The following STAM variants were observed in gnomAD, a reference collection of about 807,000 sequenced individuals.
STAM encodes signal transducing adaptor molecule, also known as signal transducing adapter molecule 1.
STAM carries 16 observed loss-of-function variants against 63.4 expected under a neutral mutation model. That is an observed-to-expected ratio of 0.25 (90% CI 0.17 to 0.38). The LOEUF (loss-of-function observed/expected upper bound fraction) is 0.38. Ranked by LOEUF, STAM falls within the 10% of genes least tolerant of loss-of-function variation. The pLI is 1.00. For synonymous variants in STAM, 238 were observed against 223.9 expected (o/e 1.06, Z -0.56); for missense variants, 636 against 657.1 (o/e 0.97, Z 0.35).
intron 13 of STAM, among the ~76,000 whole-genome samples, chr10:17,709,358 T>A (rs969316010): frequency 1.1e-4 from 17 of 148,110 alleles, no homozygotes; most frequent in Non-Finnish European, 1.5e-5. Context: ...AGCTGTCTCT[T>A]TAAGACAAAT....
intron 1 of STAM, among the ~76,000 whole-genome samples, chr10:17,655,162 ATCTAAG>A (rs1443847846): frequency 6.6e-6 from 1 of 152,118 alleles, no homozygotes; most frequent in East Asian, 1.9e-4. Flanking sequence ...TCAATCTTAA[ATCTAAG>A]TCTATCTGCT....
At chr10:17,681,882 G>T (rs910970157) in intron 2 of STAM, among the ~76,000 whole-genome samples, 7 of 152,156 alleles carry the variant, frequency 4.6e-5, no homozygotes, top group Admixed American at 2.6e-4. Flanking sequence ...ATTTTTGAGA[G>T]CCTAAGCACA....
At position 17,684,695 on chromosome 10, in the gene STAM, C is replaced by A; in HGVS notation, c.146C>A (p.Ser49Tyr). ...TTTAGACCTAAGGATTGTCTTCGGT[C>A]TATTATGAGAAGAGTGAACCACAAA... ...SRTGPKDCLR[S>Y]IMRRVNHKDP... The change falls in exon 3 of 14, where the codon TCT (serine) becomes TAT (tyrosine). Residue 49 changes from serine (S) to tyrosine (Y), a missense_variant. Physicochemically the swap from Ser to Tyr is moderately radical, Grantham distance 144. Coordinates refer to ENST00000377524, the MANE Select transcript of STAM (RefSeq NM_003473.4). 1 of 1,613,164 alleles carries A rather than the reference C, an allele frequency of 6.2e-7. No homozygotes were observed. Among genetic ancestry groups the A allele is most frequent in the Non-Finnish European group, 8.5e-7 (1 of 1,179,740 alleles).
intron 1 of STAM, 86 bp downstream of exon 1, chr10:17,644,465 G>A: frequency 6.5e-7 from 1 of 1,543,434 alleles, no homozygotes; most frequent in Non-Finnish European, 8.9e-7. Flanking sequence ...GGACCCTCGG[G>A]CCAGGGCCAA....
At position 17,714,899 on chromosome 10, in the gene STAM, G is replaced by A. The variant is rs2131713066; in HGVS notation, c.*119G>A. ...TTATAGGAATCTCTCCAGGTCAACA[G>A]GTTCAAATATTCAAGAAGGTAGAAC... On this transcript the variant is annotated 3_prime_UTR_variant, in exon 14 of 14. Coordinates refer to ENST00000377524, the MANE Select transcript of STAM (RefSeq NM_003473.4). The A allele has an allele frequency of 5.1e-6, 5 of 984,438 alleles. No homozygotes were observed. Among genetic ancestry groups the A allele is most frequent in the East Asian group, 2.4e-5 (1 of 41,396 alleles). The allele number at this position is 984,438 out of a possible 1,614,324, so 61.0% of individuals were successfully genotyped here. A position where few individuals can be genotyped will look rare whatever the true frequency, so the allele number is the denominator to read the frequency against.
chr10:17,709,918 G>C (rs936531205), intron 13 of STAM, among the ~76,000 whole-genome samples: 8 of 149,964 alleles, frequency 5.3e-5, no homozygotes, highest in African/African-American at 1.7e-4. Flanking sequence ...TTCCCTAGTG[G>C]GTTCTGTATC....
Position 17,656,427 on chromosome 10 carries a change from G to A in STAM, c.41-4037G>A, listed in dbSNP as rs144248717. ...CTCATTGACTTTTAACTTCACTGTA[G>A]GTTGGTCTGGTGGGCCATTGACTAT... is the stretch of plus-strand genomic sequence containing the variant. On this transcript the variant is annotated intron_variant, in intron 1 of 13. Transcript: ENST00000377524. Among the ~76,000 whole-genome samples the A allele has an allele frequency of 1.2e-3, 186 of 152,170 alleles. 1 individual carries two copies. The highest frequency in any genetic ancestry group is 4.3e-3 in the African/African-American group (180 of 41,518).
In STAM at chr10:17,648,670, C is replaced by G. The variant is rs185620174; in HGVS notation, c.40+4291C>G. Among the ~76,000 whole-genome samples the G allele has an allele frequency of 2.0e-3, 301 of 152,326 alleles. 1 individual carries two copies. The highest frequency in any genetic ancestry group is 6.8e-3 in the African/African-American group (284 of 41,570). On this transcript the variant is annotated intron_variant, in intron 1 of 13. Coordinates refer to ENST00000377524, the MANE Select transcript of STAM (RefSeq NM_003473.4). ...CTCACCATTCTTACCTTACTTCAGT[C>G]ATTGTTATCTCTTATAGTCAGTGGC... is the stretch of plus-strand genomic sequence containing the variant.
chr10:17,662,889 C>T (rs2357293), intron 2 of STAM, among the ~76,000 whole-genome samples: 2,587 of 152,302 alleles, frequency 0.017, 70 homozygotes, highest in African/African-American at 0.059. Flanking sequence ...GAAGACTGGG[C>T]ACCAAGCTAG....
At chr10:17,660,244 TAAGTA>T (rs1385358836) in intron 1 of STAM, among the ~76,000 whole-genome samples, 6 of 152,316 alleles carry the variant, frequency 3.9e-5, no homozygotes, top group South Asian at 2.1e-4. Context: ...TATTTTATAC[TAAGTA>T]AAGAGGCAAC....
Position 17,684,663 on chromosome 10 carries a change from T to A in STAM, c.126-12T>A, listed in dbSNP as rs1835221560. 1 of 1,608,686 alleles carries A rather than the reference T, an allele frequency of 6.2e-7. No homozygotes were observed. The highest frequency in any genetic ancestry group is 8.5e-7 in the Non-Finnish European group (1 of 1,178,318). ...TATTATTAAGTAATTTTTACTTTTC[T>A]CATTTTTTTAGACCTAAGGATTGTC... is the stretch of plus-strand genomic sequence containing the variant. On this transcript the variant is annotated splice_polypyrimidine_tract_variant and intron_variant, in intron 2 of 13. Coordinates refer to ENST00000377524, the MANE Select transcript of STAM (RefSeq NM_003473.4).
intron 5 of STAM, among the ~76,000 whole-genome samples, chr10:17,691,429 A>T (rs1835529220): frequency 6.6e-6 from 1 of 152,134 alleles, no homozygotes; most frequent in Admixed American, 6.5e-5. Flanking sequence ...GAGGCAGGAG[A>T]ATGGTGTGAA....
intron 8 of STAM, among the ~76,000 whole-genome samples, chr10:17,699,691 A>G (rs11595520): frequency 0.054 from 8,276 of 152,312 alleles, 245 homozygotes; most frequent in Middle Eastern, 0.18. Context: ...CTAAACGCCT[A>G]CGTGGCACGC....
chr10:17,702,105 A>G (rs1554828554), intron 9 of STAM, among the ~76,000 whole-genome samples: 2 of 152,192 alleles, frequency 1.3e-5, no homozygotes, highest in Non-Finnish European at 2.9e-5. Flanking sequence ...TAAAAACAAA[A>G]AATAGGAATA....
intron 8 of STAM, among the ~76,000 whole-genome samples, chr10:17,698,989 A>G (rs77062577): frequency 0.032 from 4,828 of 152,262 alleles, 93 homozygotes; most frequent in Middle Eastern, 0.14. Context: ...TGGAATGATT[A>G]TATTTCTTAG....
chr10:17,652,983 A>G (rs1311228406), intron 1 of STAM, among the ~76,000 whole-genome samples: 1 of 152,142 alleles, frequency 6.6e-6, no homozygotes, highest in Non-Finnish European at 1.5e-5. Context: ...AAATCCTTGG[A>G]ATTTTCTGAG....
At chr10:17,662,400 C>T (rs1322416196) in intron 2 of STAM, among the ~76,000 whole-genome samples, 2 of 152,138 alleles carry the variant, frequency 1.3e-5, no homozygotes, top group African/African-American at 4.8e-5. Flanking sequence ...TCCACAAAGC[C>T]TTTCCTTATC....
chr10:17,706,369 C>CT (rs59585445), intron 12 of STAM, among the ~76,000 whole-genome samples: 3,593 of 70,142 alleles, frequency 0.051, 810 homozygotes, highest in East Asian at 0.15. Flanking sequence ...GGTTGAGGCC[C>CT]TTTTTTTTTT....
At chr10:17,664,651 A>G (rs1020346838) in intron 2 of STAM, among the ~76,000 whole-genome samples, 4 of 152,178 alleles carry the variant, frequency 2.6e-5, no homozygotes, top group Non-Finnish European at 5.9e-5. Flanking sequence ...ATAACATGTA[A>G]GTGGGTTGAG....
Sources: gnomAD v4.1 joint callset for allele counts (sites outside exome capture counted in the v4.1 genomes callset) on GRCh38, gnomAD v4.1.1 for gene constraint, MANE v1.5 for transcripts, NCBI Gene and HGNC (gene_info 2026-07-23, HGNC 2026-07-21) for gene names.